MAD1L1: variants seen among roughly 807,000 people sequenced by gnomAD.
The protein encoded by MAD1L1 is mitotic spindle assembly checkpoint protein MAD1.
MAD1L1 carries 95 observed loss-of-function variants against 96.9 expected under a neutral mutation model. The observed-to-expected ratio is 0.98, with a 90% CI of 0.83 to 1.16. The LOEUF (loss-of-function observed/expected upper bound fraction) is 1.16. MAD1L1 is among the 50% of genes most tolerant of loss of function. The probability of loss-of-function intolerance (pLI) is 0.00; values close to 1 mark genes in which losing one functional copy is unlikely to be tolerated. For missense variants in MAD1L1, 1,007 were observed against 954.4 expected, an observed-to-expected ratio of 1.06 and a Z score of -0.73; for synonymous variants, 473 against 396.6, an observed-to-expected ratio of 1.19 and a Z score of -2.29.
chr7:1,887,708 CAT>C (rs1216228420), intron 18 of MAD1L1, among the ~76,000 whole-genome samples: 1 of 139,460 alleles, frequency 7.2e-6, no homozygotes, highest in Admixed American at 7.3e-5. Flanking sequence ...CATGCATAGG[CAT>C]GTGTGTGCAT....
At chr7:2,061,227 C>T (rs1784647108) in intron 12 of MAD1L1, among the ~76,000 whole-genome samples, 1 of 152,198 alleles carries the variant, frequency 6.6e-6, no homozygotes, top group Non-Finnish European at 1.5e-5. Context: ...GTCCCAGCTA[C>T]TCATGAGGCT....
At chr7:1,855,981 G>A (rs1784229856) in intron 18 of MAD1L1, among the ~76,000 whole-genome samples, 1 of 152,194 alleles carries the variant, frequency 6.6e-6, no homozygotes, top group Non-Finnish European at 1.5e-5. Context: ...CAGACGTGGT[G>A]TCTGCTGAGG....
intron 17 of MAD1L1, among the ~76,000 whole-genome samples, chr7:1,933,167 C>G (rs1260321880): frequency 1.3e-5 from 2 of 152,182 alleles, no homozygotes; most frequent in African/African-American, 4.8e-5. Context: ...TGTCCTTTCC[C>G]TTGGGCTGTC....
chr7:2,184,411 T>C (rs779753630), intron 10 of MAD1L1, among the ~76,000 whole-genome samples: 1 of 152,106 alleles, frequency 6.6e-6, no homozygotes, highest in Non-Finnish European at 1.5e-5. Context: ...CCACACCAAA[T>C]ACTGGTGAAA....
At chr7:2,145,641 G>A (rs1385136847) in intron 11 of MAD1L1, among the ~76,000 whole-genome samples, 2 of 152,156 alleles carry the variant, frequency 1.3e-5, no homozygotes, top group Non-Finnish European at 2.9e-5. Flanking sequence ...GATGGCTTCC[G>A]GCTCGGCATC....
At chr7:1,899,197 A>G (rs1187573804) in intron 17 of MAD1L1, among the ~76,000 whole-genome samples, 2 of 152,208 alleles carry the variant, frequency 1.3e-5, no homozygotes, top group African/African-American at 4.8e-5. Context: ...CATCAGGAGG[A>G]TAACAGCGAT....
chr7:1,986,641 C>T (rs2128486958), intron 14 of MAD1L1, among the ~76,000 whole-genome samples: 1 of 152,310 alleles, frequency 6.6e-6, no homozygotes, highest in African/African-American at 2.4e-5. Context: ...TCACTGCACT[C>T]TCCTGCACCA....
At chr7:1,889,112 C>T (rs1418354651) in intron 18 of MAD1L1, among the ~76,000 whole-genome samples, 1 of 152,222 alleles carries the variant, frequency 6.6e-6, no homozygotes, top group Non-Finnish European at 1.5e-5. Flanking sequence ...GACCCTTGGG[C>T]AGATGCGATG....
intron 10 of MAD1L1, among the ~76,000 whole-genome samples, chr7:2,192,313 G>T (rs1791766569): frequency 6.6e-6 from 1 of 152,006 alleles, no homozygotes; most frequent in South Asian, 2.1e-4. Context: ...GTTATTTTTA[G>T]TAGAGACAGG....
chr7:2,174,253 G>C (rs1465502460), intron 10 of MAD1L1, among the ~76,000 whole-genome samples: 1 of 152,186 alleles, frequency 6.6e-6, no homozygotes, highest in African/African-American at 2.4e-5. Flanking sequence ...AGACCACATT[G>C]CTTTACTGTG....
intron 16 of MAD1L1, among the ~76,000 whole-genome samples, chr7:1,937,139 T>G (rs1007639148): frequency 2.6e-5 from 4 of 152,216 alleles, no homozygotes; most frequent in Admixed American, 6.5e-5. Flanking sequence ...GGGTCCCTTC[T>G]GCCTAACCAC....
At chr7:2,082,307 C>G (rs764274813) in intron 11 of MAD1L1, among the ~76,000 whole-genome samples, 16 of 151,508 alleles carry the variant, frequency 1.1e-4, no homozygotes, top group Non-Finnish European at 1.9e-4. Context: ...ACCATGGGGC[C>G]GTGTGTGAGA....
intron 11 of MAD1L1, among the ~76,000 whole-genome samples, chr7:2,144,921 G>T (rs1018661730): frequency 6.6e-6 from 1 of 152,122 alleles, no homozygotes; most frequent in Non-Finnish European, 1.5e-5. Context: ...TCTCTGACAC[G>T]CTCTGCTCAC....
At chr7:2,217,338 A>G (rs964979355) in intron 7 of MAD1L1, among the ~76,000 whole-genome samples, 1 of 152,180 alleles carries the variant, frequency 6.6e-6, no homozygotes, top group African/African-American at 2.4e-5. Context: ...AAATCCTGAG[A>G]GGTGGACTGA....
intron 13 of MAD1L1, among the ~76,000 whole-genome samples, chr7:2,012,978 T>C (rs557271602): frequency 6.6e-6 from 1 of 152,252 alleles, no homozygotes; most frequent in East Asian, 1.9e-4. Context: ...GGGACGCCCA[T>C]GCAGCGCAGC....
At chr7:2,099,077 C>A (rs986367722) in intron 11 of MAD1L1, among the ~76,000 whole-genome samples, 2 of 152,216 alleles carry the variant, frequency 1.3e-5, no homozygotes, top group Non-Finnish European at 2.9e-5. Flanking sequence ...ACACAAGTGA[C>A]CCCAGTGCAC....
At chr7:2,001,184 G>A (rs578233509) in intron 14 of MAD1L1, among the ~76,000 whole-genome samples, 2 of 152,332 alleles carry the variant, frequency 1.3e-5, no homozygotes, top group African/African-American at 2.4e-5. Flanking sequence ...CGGGAGCCTC[G>A]ACCTGGGCTG....
intron 18 of MAD1L1, among the ~76,000 whole-genome samples, chr7:1,885,092 G>T (rs1053279240): frequency 6.6e-6 from 1 of 152,206 alleles, no homozygotes; most frequent in African/African-American, 2.4e-5. Flanking sequence ...TGGACCCAAG[G>T]CGGGGACCCA....
In MAD1L1 at chr7:1,879,122, C is replaced by G. The variant is rs370557539; in HGVS notation, c.1998+19078G>C. ...AACATTGCTGGGAGAAGGTAAAGAC[C>G]TATATAAATACAGAAATATACCATT... On this transcript the variant is annotated intron_variant, in intron 18 of 18. Coordinates refer to ENST00000265854, the MANE Select transcript of MAD1L1 (RefSeq NM_001013836.2). Among the ~76,000 whole-genome samples the G allele has an allele frequency of 6.6e-5, 10 of 152,236 alleles. 1 individual carries two copies. In the East Asian group the frequency reaches 1.7e-3, roughly 26 times the overall value.
Sources: gnomAD v4.1 joint callset for allele counts (sites outside exome capture counted in the v4.1 genomes callset) on GRCh38, gnomAD v4.1.1 for gene constraint, MANE v1.5 for transcripts, NCBI Gene and HGNC (gene_info 2026-07-23, HGNC 2026-07-21) for gene names.